Variants in GABRA3 observed in about 807,000 individuals in gnomAD.
The protein encoded by GABRA3 is gamma-aminobutyric acid receptor subunit alpha-3.
A neutral mutation model predicts 30.1 loss-of-function variants in GABRA3; 10 were observed. The ratio of observed to expected loss-of-function variants is 0.33; its 90% confidence interval spans 0.20 to 0.56. The LOEUF (loss-of-function observed/expected upper bound fraction) is 0.56, where lower values mean the gene tolerates loss of function less well. GABRA3 is among the 20% of genes least tolerant of loss of function. GABRA3 has a pLI of 0.89. For missense variants in GABRA3, 233 were observed against 392.0 expected (o/e 0.59, Z 3.42); for synonymous variants, 151 against 146.8 (o/e 1.03, Z -0.21).
At chrX:152,341,980 C>A (rs1940321534) in intron 3 of GABRA3, among the ~76,000 whole-genome samples, 1 of 111,882 alleles carries the variant, frequency 8.9e-6, no homozygotes, top group African/African-American at 3.3e-5. Context: ...TCAAGCAATT[C>A]TCCTGCCTCA....
chrX:152,222,846 T>C (rs911632890), intron 6 of GABRA3, among the ~76,000 whole-genome samples: 2 of 109,172 alleles, frequency 1.8e-5, no homozygotes, highest in Non-Finnish European at 3.8e-5. Flanking sequence ...GATTTTAAAC[T>C]AGTAGTCTAG....
intron 5 of GABRA3, among the ~76,000 whole-genome samples, chrX:152,233,747 G>C (rs370731352): frequency 9.6e-6 from 1 of 104,346 alleles, no homozygotes; most frequent in Non-Finnish European, 2.0e-5. Context: ...ACATGCACAC[G>C]TATGTTTATT....
intron 1 of GABRA3, among the ~76,000 whole-genome samples, chrX:152,437,717 T>C (rs1244425192): frequency 2.7e-5 from 3 of 111,864 alleles, no homozygotes; most frequent in Non-Finnish European, 5.6e-5. Context: ...CACATGAATA[T>C]AGTCAACTGA....
At chrX:152,407,299 T>TA (rs1176814264) in intron 1 of GABRA3, among the ~76,000 whole-genome samples, 1 of 111,069 alleles carries the variant, frequency 9.0e-6, no homozygotes, top group African/African-American at 3.3e-5. Flanking sequence ...AACTTGTTTT[T>TA]AAAAAAATAA....
intron 2 of GABRA3, among the ~76,000 whole-genome samples, chrX:152,360,219 C>A (rs1928440959): frequency 1.3e-5 from 1 of 74,825 alleles, no homozygotes; most frequent in Non-Finnish European, 2.5e-5. Flanking sequence ...ATTTCTAGTT[C>A]TAGATCCCTG....
At chrX:152,258,795 G>A (rs1427334807) in intron 4 of GABRA3, among the ~76,000 whole-genome samples, 1 of 111,602 alleles carries the variant, frequency 9.0e-6, no homozygotes, top group Non-Finnish European at 1.9e-5. Context: ...ATGTTGTTGA[G>A]GGCACAACAA....
At chrX:152,415,442 G>A (rs185111134) in intron 1 of GABRA3, among the ~76,000 whole-genome samples, 1 of 111,310 alleles carries the variant, frequency 9.0e-6, no homozygotes, top group East Asian at 2.8e-4. Flanking sequence ...CAGATTCATG[G>A]TTTCATGGAA....
At chrX:152,214,039 G>T (rs1407925695) in intron 6 of GABRA3, among the ~76,000 whole-genome samples, 1 of 110,735 alleles carries the variant, frequency 9.0e-6, no homozygotes, top group East Asian at 2.9e-4. Flanking sequence ...ACGAAACATT[G>T]CACCCTACAG....
chrX:152,370,079 T>C (rs768087272), intron 1 of GABRA3, among the ~76,000 whole-genome samples: 1 of 111,764 alleles, frequency 8.9e-6, no homozygotes, highest in South Asian at 3.8e-4. Flanking sequence ...CAATATTATA[T>C]AAGATAACAA....
intron 3 of GABRA3, among the ~76,000 whole-genome samples, chrX:152,310,371 C>T (rs929950300): frequency 8.9e-6 from 1 of 112,452 alleles, no homozygotes; most frequent in Non-Finnish European, 1.9e-5. Context: ...AACTGAACTA[C>T]ATTCTTAACT....
At chrX:152,369,829 C>T (rs1328401568) in intron 1 of GABRA3, among the ~76,000 whole-genome samples, 1 of 111,032 alleles carries the variant, frequency 9.0e-6, no homozygotes, top group Admixed American at 9.6e-5. Flanking sequence ...ATGCCCAATG[C>T]ATAGAAGAAT....
intron 5 of GABRA3, among the ~76,000 whole-genome samples, chrX:152,228,037 A>G (rs909619967): frequency 6.3e-5 from 7 of 111,934 alleles, no homozygotes; most frequent in Non-Finnish European, 1.3e-4. Flanking sequence ...ACAAGCTACA[A>G]TCATTGCCCT....
At chrX:152,173,997 G>T (rs1330051724) in intron 9 of GABRA3, among the ~76,000 whole-genome samples, 4 of 109,509 alleles carry the variant, frequency 3.7e-5, no homozygotes, top group African/African-American at 1.3e-4. Context: ...GTGCCCATGT[G>T]TTCTCATTGT....
At chrX:152,291,127 T>C (rs187569919) in intron 3 of GABRA3, among the ~76,000 whole-genome samples, 4 of 112,006 alleles carry the variant, frequency 3.6e-5, no homozygotes, top group East Asian at 2.8e-4. Context: ...TTTCACAATA[T>C]TGATTCTTCC....
chrX:152,250,321 C>T (rs1938530893), intron 5 of GABRA3, among the ~76,000 whole-genome samples: 1 of 111,330 alleles, frequency 9.0e-6, no homozygotes, highest in African/African-American at 3.3e-5. Flanking sequence ...ATCTCTGTAG[C>T]TCAGCAGATA....
At chrX:152,304,874 G>A (rs1415705804) in intron 3 of GABRA3, among the ~76,000 whole-genome samples, 2 of 111,436 alleles carry the variant, frequency 1.8e-5, no homozygotes, top group Non-Finnish European at 3.8e-5. Flanking sequence ...TAGGAATAGT[G>A]TTGAATCTGT....
chrX:152,352,722 A>C (rs1569405193), intron 2 of GABRA3, among the ~76,000 whole-genome samples: 2 of 111,762 alleles, frequency 1.8e-5, no homozygotes, highest in East Asian at 5.7e-4. Flanking sequence ...TGAGCATATT[A>C]TGTCTCTGCA....
intron 9 of GABRA3, among the ~76,000 whole-genome samples, chrX:152,189,329 A>T (rs1937293837): frequency 8.9e-6 from 1 of 111,910 alleles, no homozygotes; most frequent in African/African-American, 3.3e-5. Context: ...AAATAAGCAG[A>T]CACAGAAAGA....
chrX:152,255,718 C>T, intron 5 of GABRA3, 60 bp downstream of exon 5: 1 of 1,011,712 alleles, frequency 9.9e-7, no homozygotes, highest in South Asian at 1.9e-5. Context: ...CTAAAACATT[C>T]TGCTTTCAAG....
Sources: gnomAD v4.1 joint callset for allele counts (sites outside exome capture counted in the v4.1 genomes callset) on GRCh38, gnomAD v4.1.1 for gene constraint, MANE v1.5 for transcripts, NCBI Gene and HGNC (gene_info 2026-07-23, HGNC 2026-07-21) for gene names.